Variants in PTPRM observed in about 807,000 individuals in gnomAD.
PTPRM encodes the protein receptor-type tyrosine-protein phosphatase mu.
In PTPRM, 47 loss-of-function variants were observed where a neutral mutation model predicts 186.7. The ratio of observed to expected loss-of-function variants is 0.25; its 90% confidence interval spans 0.20 to 0.32. The LOEUF (loss-of-function observed/expected upper bound fraction) is 0.32, where lower values mean the gene tolerates loss of function less well. PTPRM is among the 10% of genes least tolerant of loss of function. The pLI, the probability that PTPRM is intolerant of heterozygous loss-of-function variation, is 1.00. For missense variants in PTPRM, 1,494 were observed against 1,865.0 expected, an observed-to-expected ratio of 0.80 and a Z score of 3.66; for synonymous variants, 668 against 674.9, an observed-to-expected ratio of 0.99 and a Z score of 0.16.
At chr18:8,353,345 G>A (rs1280634056) in intron 23 of PTPRM, among the ~76,000 whole-genome samples, 1 of 152,170 alleles carries the variant, frequency 6.6e-6, no homozygotes, top group Admixed American at 6.5e-5. Context: ...GTAGTGAATC[G>A]TGTTCTAATT....
At chr18:8,238,651 G>GTTTT (rs71165776) in intron 14 of PTPRM, among the ~76,000 whole-genome samples, 390 of 25,642 alleles carry the variant, frequency 0.015, 35 homozygotes, top group East Asian at 0.037. Flanking sequence ...TGTTTTGTGT[G>GTTTT]TTTTTTTTTT....
intron 1 of PTPRM, among the ~76,000 whole-genome samples, chr18:7,622,250 T>C (rs2143983276): frequency 6.6e-6 from 1 of 152,326 alleles, no homozygotes; most frequent in South Asian, 2.1e-4. Flanking sequence ...TTTGTTCTTT[T>C]TTTTTGGTTT....
At chr18:8,119,155 T>C (rs1412633628) in intron 13 of PTPRM, among the ~76,000 whole-genome samples, 1 of 152,184 alleles carries the variant, frequency 6.6e-6, no homozygotes, top group Non-Finnish European at 1.5e-5. Context: ...TTAAGTTAAA[T>C]TTGTAATGGA....
At chr18:7,990,776 G>A (rs1355959220) in intron 7 of PTPRM, among the ~76,000 whole-genome samples, 1 of 152,048 alleles carries the variant, frequency 6.6e-6, no homozygotes. Context: ...TTTCTTCAAG[G>A]ATAGACTCTG....
At chr18:7,816,975 A>ATTTTTT (rs71354570) in intron 2 of PTPRM, among the ~76,000 whole-genome samples, 1 of 138,608 alleles carries the variant, frequency 7.2e-6, no homozygotes, top group Admixed American at 7.4e-5. Context: ...TAGTTAATTA[A>ATTTTTT]TTTTTTTTTT....
intron 20 of PTPRM, among the ~76,000 whole-genome samples, chr18:8,298,973 G>T (rs2095126013): frequency 6.6e-6 from 1 of 152,162 alleles, no homozygotes; most frequent in South Asian, 2.1e-4. Flanking sequence ...AAAATTAGTT[G>T]GGCGTGATGG....
intron 22 of PTPRM, among the ~76,000 whole-genome samples, chr18:8,330,789 G>A (rs1269861860): frequency 6.6e-6 from 1 of 152,110 alleles, no homozygotes; most frequent in Admixed American, 6.5e-5. Context: ...TCCGCCAGCA[G>A]GATGCTTCTG....
At chr18:8,230,765 C>T (rs748756862) in intron 14 of PTPRM, among the ~76,000 whole-genome samples, 9 of 152,178 alleles carry the variant, frequency 5.9e-5, no homozygotes, top group Non-Finnish European at 4.4e-5. Flanking sequence ...AAATATCAGA[C>T]CACTATGTTT....
chr18:8,046,403 C>T (rs936078187), intron 7 of PTPRM, among the ~76,000 whole-genome samples: 4 of 152,076 alleles, frequency 2.6e-5, no homozygotes, highest in Non-Finnish European at 5.9e-5. Context: ...ATTTATTGAC[C>T]TTCTAAAACC....
At chr18:7,814,465 AG>A (rs1484143124) in intron 2 of PTPRM, 4 of 152,254 alleles carry the variant, frequency 2.6e-5, no homozygotes, top group Non-Finnish European at 5.9e-5. Context: ...ATATTTCAAC[AG>A]GGGGTAATGA....
chr18:7,663,348 A>C (rs1410115227), intron 1 of PTPRM, among the ~76,000 whole-genome samples: 1 of 152,210 alleles, frequency 6.6e-6, no homozygotes, highest in African/African-American at 2.4e-5. Context: ...TTTATTGGGC[A>C]ACTGAGAGGG....
chr18:8,038,974 T>C (rs2086521589), intron 7 of PTPRM, among the ~76,000 whole-genome samples: 1 of 150,940 alleles, frequency 6.6e-6, no homozygotes, highest in Non-Finnish European at 1.5e-5. Flanking sequence ...CTGGAACTAT[T>C]TTCAGGGGTT....
chr18:7,624,511 G>A (rs899067492), intron 1 of PTPRM, among the ~76,000 whole-genome samples: 1 of 151,604 alleles, frequency 6.6e-6, no homozygotes, highest in African/African-American at 2.4e-5. Flanking sequence ...TTTGGGACAG[G>A]GTATCACTCT....
At chr18:7,771,599 A>G (rs2042272139) in intron 1 of PTPRM, among the ~76,000 whole-genome samples, 1 of 152,214 alleles carries the variant, frequency 6.6e-6, no homozygotes, top group Admixed American at 6.5e-5. Flanking sequence ...TGTTTAGTTG[A>G]AACAAGTAAT....
intron 1 of PTPRM, among the ~76,000 whole-genome samples, chr18:7,672,898 GC>G (rs1487136936): frequency 6.6e-6 from 1 of 152,188 alleles, no homozygotes; most frequent in African/African-American, 2.4e-5. Context: ...ACGCACACCT[GC>G]GTGCACACCT....
At chr18:8,271,893 C>T (rs555642761) in intron 19 of PTPRM, among the ~76,000 whole-genome samples, 4 of 151,930 alleles carry the variant, frequency 2.6e-5, no homozygotes, top group African/African-American at 9.6e-5. Flanking sequence ...AGACGTTTGT[C>T]AGTTTTATTA....
chr18:7,995,711 C>T (rs2083496971), intron 7 of PTPRM: 1 of 152,156 alleles, frequency 6.6e-6, no homozygotes, highest in Non-Finnish European at 1.5e-5. Flanking sequence ...CTTCACTGCA[C>T]CTGCCATGTG....
intron 19 of PTPRM, among the ~76,000 whole-genome samples, chr18:8,258,043 A>G (rs2094591213): frequency 6.6e-6 from 1 of 152,236 alleles, no homozygotes; most frequent in Non-Finnish European, 1.5e-5. Flanking sequence ...AGATGCAATA[A>G]TTTGATTCAA....
chr18:8,088,867 T>G lies in PTPRM; in HGVS notation c.1856+16T>G. ...CACCTGTCAGGTATGGAACAGAGGG[T>G]TGGGCCGGCTCTAGATAGAAGAAAA... On this transcript the variant is annotated intron_variant, in intron 11 of 32. Transcript: ENST00000580170. 6.4e-7 allele frequency: 1 copy of G among 1,565,904 alleles called. No homozygotes were observed. The highest frequency in any genetic ancestry group is 8.8e-7 in the Non-Finnish European group (1 of 1,136,918).
Sources: allele counts gnomAD v4.1 joint callset (sites outside exome capture counted in the v4.1 genomes callset), GRCh38; gene constraint gnomAD v4.1.1; transcripts MANE v1.5; gene names NCBI Gene and HGNC (gene_info 2026-07-23, HGNC 2026-07-21).